Variants in IPPK observed in about 807,000 individuals in gnomAD.
IPPK encodes IPK1 homolog.
In IPPK, 22 loss-of-function variants were observed where a neutral mutation model predicts 64.6. The ratio of observed to expected loss-of-function variants is 0.34; its 90% CI spans 0.24 to 0.49. The LOEUF (loss-of-function observed/expected upper bound fraction) is 0.49, where lower values mean the gene tolerates loss of function less well. Among genes scored for constraint, IPPK ranks in the 20% least tolerant of loss-of-function variants. IPPK has a pLI of 0.99. For synonymous variants in IPPK, 262 were observed against 247.2 expected (o/e 1.06, Z -0.56); for missense variants, 532 against 630.7 (o/e 0.84, Z 1.68).
chr9:92,644,420 A>G (rs977069290), intron 6 of IPPK, among the ~76,000 whole-genome samples: 4 of 152,164 alleles, frequency 2.6e-5, no homozygotes, highest in Non-Finnish European at 5.9e-5. Flanking sequence ...GAGGACGCAG[A>G]TGAGGGCAGG....
At chr9:92,667,418 A>G (rs989620925) in intron 1 of IPPK, among the ~76,000 whole-genome samples, 2 of 152,190 alleles carry the variant, frequency 1.3e-5, no homozygotes, top group Admixed American at 6.5e-5. Context: ...TCCTCGGTCC[A>G]CAGCCTGAGC....
chr9:92,642,637 C>T lies in IPPK; in HGVS notation c.563+115G>A, dbSNP rs1298425324. 10 of 852,082 alleles carry T rather than the reference C, an allele frequency of 1.2e-5. No homozygotes were observed. In the Admixed American group the frequency reaches 1.3e-4, roughly 11 times the overall value. 52.8% of individuals were successfully genotyped at this position (852,082 alleles called of 1,614,324 possible). A position where few individuals can be genotyped will look rare whatever the true frequency, so the allele number is the denominator to read the frequency against. On this transcript the variant is annotated intron_variant, in intron 7 of 12. Coordinates refer to ENST00000287996, the MANE Select transcript of IPPK (RefSeq NM_022755.6). Reference sequence around the variant, plus strand: ...GCAAAAGAGAGCCCTGAAGACAGAACAGGGCCTTCCCTGCCTTCCTACCTC... The same window carrying T: ...GCAAAAGAGAGCCCTGAAGACAGAATAGGGCCTTCCCTGCCTTCCTACCTC...
chr9:92,635,597 A>G lies in IPPK; in HGVS notation c.917-289T>C, dbSNP rs1295201439. Among the ~76,000 whole-genome samples the G allele has an allele frequency of 2.0e-5, 3 of 152,210 alleles. No homozygotes were observed. The highest frequency in any genetic ancestry group is 1.5e-5 in the Non-Finnish European group (1 of 68,030). On this transcript the variant is annotated intron_variant, in intron 9 of 12. Transcript: ENST00000287996. This position sits in a 1 kb window ranked among gnomAD's most constrained non-coding sequence, Gnocchi z 4.4. ...TGCCTCGTGGCTCTCCTCTCCCAAC[A>G]CAACTCTCAGAATGTCCTTTAGATT...
At chr9:92,649,690 G>GA in intron 4 of IPPK, 116 bp from the exon 5 acceptor site, 2 of 1,227,474 alleles carry the variant, frequency 1.6e-6, no homozygotes, top group East Asian at 2.4e-5. Context: ...TGTACCTGAT[G>GA]AAAACCTCAT....
chr9:92,662,428 A>G (rs1852504991), intron 1 of IPPK, among the ~76,000 whole-genome samples: 1 of 152,104 alleles, frequency 6.6e-6, no homozygotes, highest in Non-Finnish European at 1.5e-5. Context: ...CGGGAGGCTG[A>G]GGCAGAATCA....
intron 6 of IPPK, among the ~76,000 whole-genome samples, chr9:92,645,061 T>C (rs1029497456): frequency 6.6e-6 from 1 of 152,056 alleles, no homozygotes; most frequent in Non-Finnish European, 1.5e-5. Context: ...AAATAGAGAA[T>C]ATCAATAGAG....
rs544735041 is a variant in IPPK at position 92,634,678 on chromosome 9, C to T, written c.1068-190G>A. Among the ~76,000 whole-genome samples the T allele has an allele frequency of 3.9e-5, 6 of 152,284 alleles. No individual in the cohort carries two copies. In the South Asian group the frequency reaches 1.2e-3, roughly 32 times the overall value. On this transcript the variant is annotated intron_variant, in intron 10 of 12. Transcript: ENST00000287996. ...CAGAACTCAGCAAGACCAGAACCAGCGAGCCTTGAAGCTGAGCCTTCTCCT... is the reference window on the plus strand; with the variant it reads ...CAGAACTCAGCAAGACCAGAACCAGTGAGCCTTGAAGCTGAGCCTTCTCCT...
chr9:92,616,556 TC>T (rs1287403503), intron 12 of IPPK: 1 of 154,722 alleles, frequency 6.5e-6, no homozygotes, highest in African/African-American at 2.4e-5. Context: ...TCTTTGCCTC[TC>T]CTGTCTGCTG....
rs71496407 is a variant in IPPK at position 92,664,951 on chromosome 9, G to A, written c.81+4957C>T. ...GGTGTAAAAGTAGGAGGTGAGCCAA[G>A]GCCAAACCAACAAACCCCCGTGCAC... On this transcript the variant is annotated intron_variant, in intron 1 of 12. Coordinates refer to ENST00000287996, the MANE Select transcript of IPPK (RefSeq NM_022755.6). Among the ~76,000 whole-genome samples, 546 of 152,306 alleles carry A rather than the reference G, an allele frequency of 3.6e-3. 1 individual carries two copies. Among genetic ancestry groups the A allele is most frequent in the Middle Eastern group, 0.01 (3 of 294 alleles).
intron 7 of IPPK, among the ~76,000 whole-genome samples, chr9:92,642,144 G>A (rs905369512): frequency 6.6e-6 from 1 of 152,208 alleles, no homozygotes; most frequent in Non-Finnish European, 1.5e-5. Flanking sequence ...TGGGCCCCCA[G>A]GCCCCACTGC....
chr9:92,628,990 T>G (rs371719166), intron 11 of IPPK, among the ~76,000 whole-genome samples: 1 of 151,582 alleles, frequency 6.6e-6, no homozygotes, highest in Non-Finnish European at 1.5e-5. Flanking sequence ...ACAGGGGAGG[T>G]TGAGGCAGGA....
At chr9:92,620,158 ACATCACTTGTCTGTCATG>A (rs1851582936) in intron 11 of IPPK, 1 of 157,348 alleles carries the variant, frequency 6.4e-6, no homozygotes, top group Non-Finnish European at 1.4e-5. Context: ...ACAGACACAG[ACATCACTTGTCTGTCATG>A]CCCTGCTTGT....
At chr9:92,627,282 T>G (rs1304119770) in intron 11 of IPPK, among the ~76,000 whole-genome samples, 1 of 152,164 alleles carries the variant, frequency 6.6e-6, no homozygotes, top group East Asian at 1.9e-4. Context: ...CTGTCAAATA[T>G]TTAAAGAATA....
intron 4 of IPPK, 127 bp from the exon 5 acceptor site, chr9:92,649,701 G>A: frequency 1.8e-6 from 2 of 1,113,838 alleles, no homozygotes; most frequent in African/African-American, 1.6e-5. Context: ...AAAACCTCAT[G>A]TCTCCCTGGG....
chr9:92,617,257 G>A (rs937169291), intron 12 of IPPK: 1 of 152,228 alleles, frequency 6.6e-6, no homozygotes, highest in Admixed American at 6.5e-5. Context: ...TGAGACCCAA[G>A]CTGGGTGCAC....
Position 92,635,275 on chromosome 9 carries a change from T to C in IPPK, c.950A>G (p.Lys317Arg). 3 of 1,613,986 alleles carry C rather than the reference T, an allele frequency of 1.9e-6. No homozygotes were observed. The highest frequency in any genetic ancestry group is 1.7e-6 in the Non-Finnish European group (2 of 1,179,942). ...GAGGGTTTTGTACAGAAGACAGCCC[T>C]TCGGTAACCCCGAGCGCTCTGGGGT... ...KNTPERSGLP[K>R]GCLLYKTLQV... Residue 317 changes from lysine to arginine, a missense_variant, in exon 10 of 13, where the codon AAG (lysine) becomes AGG (arginine). Coordinates refer to ENST00000287996, the MANE Select transcript of IPPK (RefSeq NM_022755.6). The surrounding 1 kb of genome is among the most constrained non-coding windows in gnomAD (Gnocchi z 4.4).
rs558340075 is a variant in IPPK, at chr9:92,643,063, G to A, written c.505-253C>T. Among the ~76,000 whole-genome samples, 4 of 152,362 alleles carry A rather than the reference G, an allele frequency of 2.6e-5. No individual in the cohort carries two copies. The East Asian group carries it at 5.8e-4, about 22-fold the overall frequency. ...GTGGCCCCCAGGCCAGCCCTTCACA[G>A]GAGCAGGGAAGAAAGTGGCAAACAC... On this transcript the variant is annotated intron_variant, in intron 6 of 12. Transcript: ENST00000287996.
intron 7 of IPPK, 84 bp downstream of exon 7, chr9:92,642,668 A>AT: frequency 1.7e-6 from 2 of 1,178,396 alleles, no homozygotes; most frequent in Non-Finnish European, 2.5e-6. Context: ...ACCTCACGAA[A>AT]TACCCCCCAC....
chr9:92,666,358 G>T (rs1852595792), intron 1 of IPPK, among the ~76,000 whole-genome samples: 1 of 152,210 alleles, frequency 6.6e-6, no homozygotes, highest in African/African-American at 2.4e-5. Flanking sequence ...TGAAGGCGAA[G>T]GAGGCAGGCG....
Sources: allele counts gnomAD v4.1 joint callset (sites outside exome capture counted in the v4.1 genomes callset), GRCh38; gene constraint gnomAD v4.1.1; non-coding constraint Gnocchi (gnomAD v3.1); transcripts MANE v1.5; gene names NCBI Gene and HGNC (gene_info 2026-07-23, HGNC 2026-07-21).